The following MIB1 variants were observed in gnomAD, a reference collection of about 807,000 sequenced individuals.
MIB1 encodes MIB E3 ubiquitin protein ligase 1.
A neutral mutation model predicts 124.5 loss-of-function variants in MIB1; 278 were observed. That is an observed-to-expected ratio of 2.23 (90% CI 2.02 to 2.47). The LOEUF is 2.47. MIB1 is among the 30% of genes most tolerant of loss of function. The pLI, the probability that MIB1 is intolerant of heterozygous loss-of-function variation, is 0.00. For synonymous variants in MIB1, 446 were observed against 429.4 expected, an observed-to-expected ratio of 1.04 and a Z score of -0.48; for missense variants, 957 against 1,254.4, an observed-to-expected ratio of 0.76 and a Z score of 3.58.
chr18:21,773,377 C>T (rs948720904), intron 3 of MIB1, among the ~76,000 whole-genome samples: 1 of 152,020 alleles, frequency 6.6e-6, no homozygotes, highest in African/African-American at 2.4e-5. Context: ...ACTGTAATCC[C>T]CAAGCCTCTT....
At chr18:21,812,814 T>G (rs766157447) in intron 10 of MIB1, among the ~76,000 whole-genome samples, 4 of 152,190 alleles carry the variant, frequency 2.6e-5, no homozygotes, top group Non-Finnish European at 4.4e-5. Flanking sequence ...CCTTGTTCCT[T>G]GAAATTCTCT....
intron 6 of MIB1, among the ~76,000 whole-genome samples, chr18:21,791,121 G>T (rs1431395292): frequency 6.6e-6 from 1 of 151,568 alleles, no homozygotes; most frequent in Non-Finnish European, 1.5e-5. Flanking sequence ...GGAGAATCAT[G>T]CAGTGAGCCG....
chr18:21,753,972 C>G (rs2041003401), intron 1 of MIB1, among the ~76,000 whole-genome samples: 1 of 152,148 alleles, frequency 6.6e-6, no homozygotes, highest in Admixed American at 6.5e-5. Flanking sequence ...GCCATGGCGC[C>G]TGGCCAAAAA....
intron 1 of MIB1, among the ~76,000 whole-genome samples, chr18:21,742,199 C>T (rs1043850070): frequency 2.6e-5 from 4 of 151,746 alleles, no homozygotes; most frequent in African/African-American, 9.7e-5. Context: ...TGAAGGGAGG[C>T]TTGCTTTGCC....
At chr18:21,768,211 C>G (rs1384697789) in intron 2 of MIB1, among the ~76,000 whole-genome samples, 1 of 152,074 alleles carries the variant, frequency 6.6e-6, no homozygotes, top group Non-Finnish European at 1.5e-5. Context: ...ACCCAGATAC[C>G]CTGAAATGCT....
intron 1 of MIB1, among the ~76,000 whole-genome samples, chr18:21,708,480 C>T (rs2017111): frequency 0.023 from 3,452 of 152,150 alleles, 52 homozygotes; most frequent in South Asian, 0.038. Context: ...ATCGTGAAAC[C>T]GCATCTCTCC....
chr18:21,862,370 A>G (rs893940728), intron 20 of MIB1, among the ~76,000 whole-genome samples: 1 of 152,232 alleles, frequency 6.6e-6, no homozygotes, highest in Non-Finnish European at 1.5e-5. Flanking sequence ...ACAACATGTC[A>G]TATAGGCTTT....
At chr18:21,743,070 C>G (rs907541859) in intron 1 of MIB1, among the ~76,000 whole-genome samples, 1 of 152,202 alleles carries the variant, frequency 6.6e-6, no homozygotes, top group Non-Finnish European at 1.5e-5. Context: ...GAGTCAGCCA[C>G]AAGGCCAGGC....
At chr18:21,827,449 T>C (rs2041936017) in intron 12 of MIB1, 1 of 152,118 alleles carries the variant, frequency 6.6e-6, no homozygotes, top group African/African-American at 2.4e-5. Context: ...TGTATACCTA[T>C]AGAATGACCA....
chr18:21,783,968 CTT>C (rs1195234801), intron 6 of MIB1, among the ~76,000 whole-genome samples: 1 of 151,564 alleles, frequency 6.6e-6, no homozygotes, highest in African/African-American at 2.4e-5. Context: ...GTCTTGAACT[CTT>C]TGCCTCAGGC....
chr18:21,774,180 A>T (rs1347127271), intron 4 of MIB1, among the ~76,000 whole-genome samples: 1 of 152,240 alleles, frequency 6.6e-6, no homozygotes, highest in African/African-American at 2.4e-5. Context: ...TATAGTGTTG[A>T]TAATTGAAAA....
In MIB1 at chr18:21,779,610, C is replaced by CT; in HGVS notation, c.836dup (p.Leu279PhefsTer11). 3.7e-6 allele frequency: 6 copies of CT among 1,613,996 alleles called. No homozygotes were observed. The highest frequency in any genetic ancestry group is 5.1e-6 in the Non-Finnish European group (6 of 1,179,962). ...GGATGGACTGATGGAATGTTTGAGA[C>CT]TTTAACTACAACTGGAACTGTTTGT... On this transcript the variant is annotated frameshift_variant, in exon 6 of 21. Transcript: ENST00000261537. LOFTEE classifies it high-confidence loss of function.
chr18:21,789,420 T>TA (rs2041476118), intron 6 of MIB1, among the ~76,000 whole-genome samples: 2 of 152,162 alleles, frequency 1.3e-5, no homozygotes, highest in South Asian at 4.1e-4. Context: ...TGTTTACAAA[T>TA]AAGGTAACAT....
In MIB1 at chr18:21,760,801, G is replaced by T. The variant is rs560694813; in HGVS notation, c.230-4971G>T. Among the ~76,000 whole-genome samples the T allele has an allele frequency of 5.9e-5, 9 of 152,254 alleles. 1 individual carries two copies. The South Asian group carries it at 1.9e-3, about 32-fold the overall frequency. On this transcript the variant is annotated intron_variant, in intron 1 of 20. Transcript: ENST00000261537. ...GGTAGTTGGGATACATTTTCCCTACGTCTTTCATCAACCAAGTCACATTTG... is the reference window on the plus strand; with the variant it reads ...GGTAGTTGGGATACATTTTCCCTACTTCTTTCATCAACCAAGTCACATTTG...
At chr18:21,825,698 T>G (rs1171924637) in intron 12 of MIB1, 1 of 531,432 alleles carries the variant, frequency 1.9e-6, no homozygotes, top group African/African-American at 1.9e-5. Flanking sequence ...CCCGTAGTAA[T>G]CAATGCATAG....
intron 1 of MIB1, among the ~76,000 whole-genome samples, chr18:21,733,077 G>A (rs1936899255): frequency 6.6e-6 from 1 of 152,072 alleles, no homozygotes; most frequent in Non-Finnish European, 1.5e-5. Context: ...ATTGTACTTT[G>A]TCTTTAGGAT....
At chr18:21,816,218 G>A (rs894507828) in intron 11 of MIB1, among the ~76,000 whole-genome samples, 2 of 152,116 alleles carry the variant, frequency 1.3e-5, no homozygotes, top group African/African-American at 4.8e-5. Flanking sequence ...AGTCGTTAGT[G>A]TAATCTTCGG....
intron 1 of MIB1, among the ~76,000 whole-genome samples, chr18:21,752,305 T>G (rs1384860643): frequency 3.3e-5 from 5 of 152,208 alleles, no homozygotes; most frequent in African/African-American, 1.2e-4. Context: ...TTCAAATTAC[T>G]GAAATGTTAC....
chr18:21,750,096 A>G (rs1382754477), intron 1 of MIB1, among the ~76,000 whole-genome samples: 5 of 151,944 alleles, frequency 3.3e-5, no homozygotes. Flanking sequence ...ATGTAGAAAA[A>G]CTAAACAGTC....
Sources: gnomAD v4.1 joint callset for allele counts (sites outside exome capture counted in the v4.1 genomes callset) on GRCh38, gnomAD v4.1.1 for gene constraint, MANE v1.5 for transcripts, NCBI Gene and HGNC (gene_info 2026-07-23, HGNC 2026-07-21) for gene names.